Variants in WASF2 observed in about 807,000 individuals in gnomAD.
WASF2 encodes the protein actin-binding protein WASF2.
A neutral mutation model predicts 45.0 loss-of-function variants in WASF2; 14 were observed. That is an observed-to-expected ratio of 0.31 (90% CI 0.21 to 0.49). The LOEUF (loss-of-function observed/expected upper bound fraction) is 0.49, where lower values mean the gene tolerates loss of function less well. Ranked by LOEUF, WASF2 falls within the 20% of genes least tolerant of loss-of-function variation. WASF2 has a pLI of 0.99. For synonymous variants in WASF2, 200 were observed against 236.3 expected (o/e 0.85, Z 1.41); for missense variants, 439 against 636.1 (o/e 0.69, Z 3.33).
intron 1 of WASF2, among the ~76,000 whole-genome samples, chr1:27,445,855 T>TA (rs1285657781): frequency 6.6e-6 from 1 of 151,578 alleles, no homozygotes; most frequent in African/African-American, 2.4e-5. Context: ...TTTTTTTTTT[T>TA]AAAGCACCTA....
chr1:27,476,987 G>A (rs2017774594), intron 1 of WASF2, among the ~76,000 whole-genome samples: 1 of 152,078 alleles, frequency 6.6e-6, no homozygotes, highest in African/African-American at 2.4e-5. Flanking sequence ...CATAGGAAAG[G>A]GGTTTCAAAG....
intron 1 of WASF2, among the ~76,000 whole-genome samples, chr1:27,440,609 C>G (rs1364449386): frequency 6.6e-6 from 1 of 151,970 alleles, no homozygotes; most frequent in Non-Finnish European, 1.5e-5. Flanking sequence ...GAGACAAGGT[C>G]TCATCATGTT....
At chr1:27,466,838 A>G (rs1256964900) in intron 1 of WASF2, among the ~76,000 whole-genome samples, 2 of 152,058 alleles carry the variant, frequency 1.3e-5, no homozygotes, top group African/African-American at 2.4e-5. Flanking sequence ...CCTGAAAAAC[A>G]GAGTGAGAGC....
At chr1:27,486,806 C>A (rs2017933698) in intron 1 of WASF2, among the ~76,000 whole-genome samples, 1 of 151,808 alleles carries the variant, frequency 6.6e-6, no homozygotes, top group African/African-American at 2.4e-5. Context: ...TGCCTGTAGT[C>A]CCAGATACTT....
At chr1:27,473,099 G>A (rs1335434715) in intron 1 of WASF2, among the ~76,000 whole-genome samples, 3 of 151,844 alleles carry the variant, frequency 2.0e-5, no homozygotes, top group East Asian at 3.8e-4. Context: ...CTGATAACCT[G>A]TATCCGGAAT....
intron 1 of WASF2, among the ~76,000 whole-genome samples, chr1:27,482,185 G>A (rs1389693409): frequency 6.6e-6 from 1 of 152,160 alleles, no homozygotes; most frequent in East Asian, 1.9e-4. Flanking sequence ...AGACATGAAT[G>A]ATTATAATGT....
intron 2 of WASF2, among the ~76,000 whole-genome samples, chr1:27,422,148 A>G (rs2016916618): frequency 6.6e-6 from 1 of 152,060 alleles, no homozygotes; most frequent in Admixed American, 6.6e-5. Flanking sequence ...TCAGTGTGGC[A>G]CAGTGGTTTT....
intron 1 of WASF2, among the ~76,000 whole-genome samples, chr1:27,452,828 T>C (rs1320222047): frequency 6.7e-6 from 1 of 149,430 alleles, no homozygotes; most frequent in African/African-American, 2.5e-5. Context: ...AAAATTAAAA[T>C]AAAAACAAAA....
chr1:27,464,886 G>A (rs1317804948), intron 1 of WASF2, among the ~76,000 whole-genome samples: 3 of 152,260 alleles, frequency 2.0e-5, no homozygotes, highest in Admixed American at 6.5e-5. Flanking sequence ...GTGCCACCAC[G>A]CCCGGCTAAT....
chr1:27,427,693 C>A (rs1454375181), intron 2 of WASF2, among the ~76,000 whole-genome samples: 1 of 152,136 alleles, frequency 6.6e-6, no homozygotes, highest in African/African-American at 2.4e-5. Context: ...GTCTCCTCAG[C>A]CTCCTATTTT....
intron 8 of WASF2, 58 bp from the exon 9 acceptor site, chr1:27,408,404 TG>T: frequency 6.2e-7 from 1 of 1,607,690 alleles, no homozygotes. Context: ...GGAATCCATC[TG>T]GAACTGGGTA....
chr1:27,469,281 T>G (rs1475579890), intron 1 of WASF2, among the ~76,000 whole-genome samples: 3 of 152,182 alleles, frequency 2.0e-5, no homozygotes, highest in Non-Finnish European at 4.4e-5. Context: ...GTGTTGGGCA[T>G]GTAAGGCCTC....
Position 27,410,345 on chromosome 1 carries a change from A to G in WASF2, c.825-139T>C. 1.4e-6 allele frequency: 2 copies of G among 1,446,456 alleles called. No individual in the cohort carries two copies. Among genetic ancestry groups the G allele is most frequent in the Non-Finnish European group, 1.8e-6 (2 of 1,094,710 alleles). 89.6% of individuals were successfully genotyped at this position (1,446,456 alleles called of 1,614,324 possible). A position where few individuals can be genotyped will look rare whatever the true frequency, so the allele number is the denominator to read the frequency against. On this transcript the variant is annotated intron_variant, in intron 7 of 8. Coordinates refer to ENST00000618852, the MANE Select transcript of WASF2 (RefSeq NM_006990.5). The surrounding 1 kb of genome is among the most constrained non-coding windows in gnomAD (Gnocchi z 4.2). ...TTCACTTAAACAGAAAGAAAAGCCT[A>G]CAGATGGTCATAACAGACCAATAAT... is the stretch of plus-strand genomic sequence containing the variant.
intron 3 of WASF2, 90 bp from the exon 4 acceptor site, chr1:27,418,512 CA>C: frequency 1.3e-6 from 2 of 1,551,486 alleles, no homozygotes; most frequent in Non-Finnish European, 1.8e-6. Context: ...TCAGCTGCTG[CA>C]CTTCTTGGCT....
intron 6 of WASF2, 88 bp from the exon 7 acceptor site, chr1:27,412,815 A>T: frequency 2.0e-6 from 3 of 1,474,962 alleles, no homozygotes; most frequent in Non-Finnish European, 2.8e-6. Context: ...AATGCATTTG[A>T]TACAAAAGCT....
rs561711157 is a variant in WASF2, at chr1:27,430,880, C to T, written c.-43-1947G>A. ...TTAAAATACCAGCTCATCACCAAAA[C>T]GTTGACTGTGAATACAAAATGCTTA... On this transcript the variant is annotated intron_variant, in intron 1 of 8. Transcript: ENST00000618852. Among the ~76,000 whole-genome samples, 7 of 150,278 alleles carry T rather than the reference C, an allele frequency of 4.7e-5. No individual in the cohort carries two copies. The South Asian group carries it at 1.3e-3, about 27-fold the overall frequency.
At chr1:27,455,170 T>C (rs1375247169) in intron 1 of WASF2, among the ~76,000 whole-genome samples, 2 of 152,130 alleles carry the variant, frequency 1.3e-5, no homozygotes, top group African/African-American at 2.4e-5. Context: ...AAAACCAATA[T>C]ATCACTGCAG....
chr1:27,462,468 GAA>G (rs1264134642), intron 1 of WASF2, among the ~76,000 whole-genome samples: 1 of 151,784 alleles, frequency 6.6e-6, no homozygotes. Context: ...TGCTCTTGAA[GAA>G]AAACAAAAAA....
intron 1 of WASF2, among the ~76,000 whole-genome samples, chr1:27,489,236 A>G (rs1467006612): frequency 7.0e-6 from 1 of 143,380 alleles, no homozygotes; most frequent in Non-Finnish European, 1.5e-5. Flanking sequence ...TACTCTGCAG[A>G]CTATCCTGTA....
Sources: gnomAD v4.1 joint callset for allele counts (sites outside exome capture counted in the v4.1 genomes callset) on GRCh38, gnomAD v4.1.1 for gene constraint, Gnocchi (gnomAD v3.1) non-coding constraint, MANE v1.5 for transcripts, NCBI Gene and HGNC (gene_info 2026-07-23, HGNC 2026-07-21) for gene names.